Variants in ZDHHC21 observed in about 807,000 individuals in gnomAD.
The protein encoded by ZDHHC21 is palmitoyltransferase ZDHHC21.
In ZDHHC21, 15 loss-of-function variants were observed where a neutral mutation model predicts 34.6. The observed-to-expected ratio is 0.43, with a 90% CI of 0.29 to 0.67. The LOEUF (loss-of-function observed/expected upper bound fraction) is 0.67, where lower values mean the gene tolerates loss of function less well. ZDHHC21 is among the 30% of genes least tolerant of loss of function. ZDHHC21 has a pLI of 0.14. For synonymous variants in ZDHHC21, 142 were observed against 101.8 expected, an observed-to-expected ratio of 1.40 and a Z score of -2.38; for missense variants, 344 against 327.7, an observed-to-expected ratio of 1.05 and a Z score of -0.38.
the ZDHHC21 span, among the ~76,000 whole-genome samples, chr9:14,595,065 G>C: frequency 6.6e-6 from 1 of 152,102 alleles, no homozygotes; most frequent in Admixed American, 6.5e-5. Flanking sequence ...TACATTTCTA[G>C]TAGTCAGGTA....
downstream of ZDHHC21, among the ~76,000 whole-genome samples, chr9:14,609,728 G>C (rs573333268): frequency 6.6e-6 from 1 of 152,176 alleles, no homozygotes; most frequent in African/African-American, 2.4e-5. Context: ...AAAGAGACCA[G>C]TGGATTTTAA....
intron 5 of ZDHHC21, among the ~76,000 whole-genome samples, chr9:14,671,220 T>C (rs1835380901): frequency 6.6e-6 from 1 of 152,066 alleles, no homozygotes; most frequent in South Asian, 2.1e-4. Context: ...CTTGAATGAA[T>C]ATAATGCAAT....
At chr9:14,629,826 A>G (rs1037119014) in intron 8 of ZDHHC21, among the ~76,000 whole-genome samples, 2 of 152,036 alleles carry the variant, frequency 1.3e-5, no homozygotes, top group African/African-American at 4.8e-5. Flanking sequence ...AGGCAGGTGG[A>G]TATTGAGGTC....
At chr9:14,622,480 G>T in intron 8 of ZDHHC21, 7 of 971,424 alleles carry the variant, frequency 7.2e-6, no homozygotes, top group Non-Finnish European at 8.5e-6. Flanking sequence ...AAAATGAGAG[G>T]TTGCAGGGGG....
At chr9:14,634,078 G>A (rs550906070) in intron 8 of ZDHHC21, among the ~76,000 whole-genome samples, 2 of 152,194 alleles carry the variant, frequency 1.3e-5, no homozygotes, top group South Asian at 4.2e-4. Flanking sequence ...GGAGCCTGGG[G>A]ACCATCTACA....
chr9:14,624,442 A>G (rs897707188), intron 8 of ZDHHC21, among the ~76,000 whole-genome samples: 1 of 152,162 alleles, frequency 6.6e-6, no homozygotes, highest in East Asian at 1.9e-4. Context: ...GCAGATGAAT[A>G]AAGTAAATAT....
At chr9:14,670,630 C>A (rs866862303) in intron 5 of ZDHHC21, among the ~76,000 whole-genome samples, 2 of 152,006 alleles carry the variant, frequency 1.3e-5, no homozygotes, top group South Asian at 4.1e-4. Flanking sequence ...TGGTCTGGAC[C>A]ATAAATTGAT....
intron 8 of ZDHHC21, among the ~76,000 whole-genome samples, chr9:14,638,323 T>A (rs187787870): frequency 6.6e-6 from 1 of 151,866 alleles, no homozygotes; most frequent in South Asian, 2.1e-4. Context: ...GCTGGGAAAA[T>A]TGGATATCCA....
rs1435177205 is a variant in ZDHHC21, at chr9:14,613,768, A to C, written c.*5198T>G. ...TTGTTTATTTTTCCTCTGGTGACAA[A>C]ATTTTCTATACACTCAGTATCTTTT... On this transcript the variant is annotated 3_prime_UTR_variant, in exon 10 of 10. Transcript: ENST00000380916. 3 of 151,690 alleles carry C rather than the reference A, an allele frequency of 2.0e-5. No individual in the cohort carries two copies. The highest frequency in any genetic ancestry group is 6.6e-5 in the Admixed American group (1 of 15,190). 9.4% of individuals were successfully genotyped at this position (151,690 alleles called of 1,614,324 possible).
intron 3 of ZDHHC21, among the ~76,000 whole-genome samples, chr9:14,679,701 T>C (rs945319187): frequency 1.3e-5 from 2 of 152,158 alleles, no homozygotes; most frequent in South Asian, 2.1e-4. Context: ...TTAGGCCTCT[T>C]TGTCACTATA....
chr9:14,648,734 T>C (rs1830695274), intron 7 of ZDHHC21, among the ~76,000 whole-genome samples: 1 of 152,038 alleles, frequency 6.6e-6, no homozygotes, highest in Admixed American at 6.6e-5. Flanking sequence ...GAAGGGGAAG[T>C]GAATAGACAC....
chr9:14,662,543 A>G (rs534788293), intron 5 of ZDHHC21, among the ~76,000 whole-genome samples: 1 of 152,360 alleles, frequency 6.6e-6, no homozygotes, highest in South Asian at 2.1e-4. Context: ...GACTAAAAAA[A>G]TAAGACACTA....
At chr9:14,619,794 C>A in intron 8 of ZDHHC21, 112 bp from the exon 9 acceptor site, 1 of 596,262 alleles carries the variant, frequency 1.7e-6, no homozygotes, top group African/African-American at 1.9e-5. Context: ...TAGATTTAAA[C>A]AGTTTATATA....
chr9:14,654,673 G>C (rs1831869346), intron 7 of ZDHHC21, among the ~76,000 whole-genome samples: 1 of 151,958 alleles, frequency 6.6e-6, no homozygotes, highest in South Asian at 2.1e-4. Context: ...ATGAAAGAAA[G>C]TATCAAATGG....
intron 5 of ZDHHC21, among the ~76,000 whole-genome samples, chr9:14,662,948 T>C (rs1833673819): frequency 1.3e-5 from 2 of 152,134 alleles, no homozygotes; most frequent in African/African-American, 4.8e-5. Context: ...TAGTGAAAAA[T>C]GTTATAAGAC....
At chr9:14,610,483 T>C (rs1053547345), downstream of ZDHHC21, among the ~76,000 whole-genome samples, 4 of 152,010 alleles carry the variant, frequency 2.6e-5, no homozygotes, top group African/African-American at 7.2e-5. Context: ...TTTTTCAAAA[T>C]TACTTTTCTG....
downstream of ZDHHC21, among the ~76,000 whole-genome samples, chr9:14,609,213 C>G (rs1823121789): frequency 6.6e-6 from 1 of 152,086 alleles, no homozygotes; most frequent in South Asian, 2.1e-4. Context: ...TGTTCTTGAG[C>G]ACATTTTAAA....
chr9:14,664,972 C>A (rs1378027932), intron 5 of ZDHHC21, among the ~76,000 whole-genome samples: 2 of 148,170 alleles, frequency 1.3e-5, no homozygotes, highest in Admixed American at 1.4e-4. Context: ...CAGTTCCTCA[C>A]CAGCAACAGA....
downstream of ZDHHC21, among the ~76,000 whole-genome samples, chr9:14,608,988 C>A (rs12236113): frequency 0.5 from 75,760 of 151,816 alleles, 19,192 homozygotes; most frequent in Middle Eastern, 0.57. Context: ...ATACACATTC[C>A]AATTATTTTT....
Sources: allele counts gnomAD v4.1 joint callset (sites outside exome capture counted in the v4.1 genomes callset), GRCh38; gene constraint gnomAD v4.1.1; transcripts MANE v1.5; gene names NCBI Gene and HGNC (gene_info 2026-07-23, HGNC 2026-07-21).